Variants in AVL9 observed in about 807,000 individuals in gnomAD.
AVL9 encodes AVL9 cell migration associated.
A neutral mutation model predicts 79.2 loss-of-function variants in AVL9; 49 were observed. The observed-to-expected ratio is 0.62, with a 90% CI of 0.49 to 0.79. The LOEUF is 0.79. Ranked by LOEUF, AVL9 falls within the 30% of genes least tolerant of loss-of-function variation. AVL9 has a pLI of 0.00. For missense variants in AVL9, 682 were observed against 776.8 expected, an observed-to-expected ratio of 0.88 and a Z score of 1.45; for synonymous variants, 299 against 280.6, an observed-to-expected ratio of 1.07 and a Z score of -0.65.
At chr7:32,545,364 C>CTTTTTTTTTTTTTTTTTTTTTTTTT (rs10610945) in intron 3 of AVL9, among the ~76,000 whole-genome samples, 1 of 73,352 alleles carries the variant, frequency 1.4e-5, no homozygotes, top group African/African-American at 5.5e-5. Context: ...TCTAAGATTT[C>CTTTTTTTTTTTTTTTTTTTTTTTTT]TTTTTTTTTT....
intron 1 of AVL9, among the ~76,000 whole-genome samples, chr7:32,498,731 G>T (rs1583474226): frequency 6.7e-6 from 1 of 150,296 alleles, no homozygotes; most frequent in African/African-American, 2.5e-5. Context: ...AACATTTTAA[G>T]TGATTTTTTT....
intron 1 of AVL9, among the ~76,000 whole-genome samples, chr7:32,507,304 C>T (rs1202589721): frequency 1.3e-5 from 2 of 152,118 alleles, no homozygotes; most frequent in East Asian, 3.9e-4. Context: ...GCTTCCCTTC[C>T]CAATATATAG....
chr7:32,559,740 G>A (rs1235082146), intron 10 of AVL9, among the ~76,000 whole-genome samples: 1 of 151,966 alleles, frequency 6.6e-6, no homozygotes, highest in Non-Finnish European at 1.5e-5. Context: ...TAATTATTCA[G>A]GTTTCTCCTT....
At chr7:32,542,253 G>T (rs752169117) in intron 1 of AVL9, among the ~76,000 whole-genome samples, 1 of 148,108 alleles carries the variant, frequency 6.8e-6, no homozygotes, top group Non-Finnish European at 1.5e-5. Context: ...AAATAATCAC[G>T]AATTGGCCGG....
At chr7:32,580,637 T>C (rs749743625) in intron 14 of AVL9, 165 bp from the exon 15 acceptor site, 4 of 603,958 alleles carry the variant, frequency 6.6e-6, no homozygotes, top group Non-Finnish European at 1.2e-5. Context: ...AAAAGGTTAA[T>C]AAATTAATTC....
intron 1 of AVL9, among the ~76,000 whole-genome samples, chr7:32,539,502 A>C (rs902658245): frequency 6.6e-6 from 1 of 152,166 alleles, no homozygotes; most frequent in African/African-American, 2.4e-5. Context: ...CTTGTGACCA[A>C]CAGTGCCCAG....
intron 1 of AVL9, among the ~76,000 whole-genome samples, chr7:32,511,954 G>A (rs1426816823): frequency 5.9e-5 from 9 of 152,128 alleles, no homozygotes; most frequent in Non-Finnish European, 1.3e-4. Flanking sequence ...TGCTGAGACC[G>A]ACTCCAGCAT....
chr7:32,576,646 C>T (rs1583602708), intron 13 of AVL9, among the ~76,000 whole-genome samples: 2 of 151,992 alleles, frequency 1.3e-5, no homozygotes, highest in Non-Finnish European at 2.9e-5. Context: ...ATTAGCCAGA[C>T]GTGGTAGTGG....
intron 10 of AVL9, among the ~76,000 whole-genome samples, chr7:32,565,559 CAAA>C (rs56944092): frequency 7.1e-6 from 1 of 141,094 alleles, no homozygotes. Context: ...AACTCCGTCT[CAAA>C]AAAAAAAAAA....
At chr7:32,522,370 A>G (rs996947730) in intron 1 of AVL9, among the ~76,000 whole-genome samples, 1 of 152,222 alleles carries the variant, frequency 6.6e-6, no homozygotes, top group African/African-American at 2.4e-5. Context: ...CTCTTGCATC[A>G]GTGTGACCTG....
rs147897057 is a variant in AVL9, at chr7:32,552,386, A to G, written c.529+91A>G. ...CGTGTAAAACTTTGATTAGAATTAC[A>G]TCTCTATATGGGATCTAAATTCTTC... is the stretch of plus-strand genomic sequence containing the variant. On this transcript the variant is annotated intron_variant, in intron 6 of 15. Coordinates refer to ENST00000318709, the MANE Select transcript of AVL9 (RefSeq NM_015060.3). 4.0e-4 allele frequency: 289 copies of G among 721,190 alleles called. No homozygotes were observed. The African/African-American group carries it at 4.8e-3, about 12-fold the overall frequency. The allele number at this position is 721,190 out of a possible 1,614,324, so 44.7% of individuals were successfully genotyped here.
intron 1 of AVL9, among the ~76,000 whole-genome samples, chr7:32,496,714 C>T (rs1203421228): frequency 2.0e-5 from 3 of 152,144 alleles, no homozygotes; most frequent in African/African-American, 7.2e-5. Context: ...TAGTTTCTTG[C>T]ATTCCACAGG....
intron 8 of AVL9, among the ~76,000 whole-genome samples, chr7:32,556,570 TAA>T (rs759602498): frequency 2.8e-4 from 42 of 150,006 alleles, no homozygotes; most frequent in Non-Finnish European, 4.5e-4. Flanking sequence ...GAAAAAAAGA[TAA>T]AGTTTTTTTT....
At chr7:32,542,850 G>A (rs996202535) in intron 1 of AVL9, among the ~76,000 whole-genome samples, 1 of 152,106 alleles carries the variant, frequency 6.6e-6, no homozygotes, top group Non-Finnish European at 1.5e-5. Flanking sequence ...TTTGATGACA[G>A]CCCCCAGATA....
In AVL9 at chr7:32,556,823, C is replaced by T. The variant is rs566392855; in HGVS notation, c.610-1736C>T. Among the ~76,000 whole-genome samples the T allele has an allele frequency of 1.6e-4, 25 of 151,978 alleles. No homozygotes were observed. The South Asian group carries it at 4.0e-3, about 24-fold the overall frequency. ...CTCTGTTGCCCAGGCTAGAGTGCAGCGGTGTGATCATGGCTCACTGCAACC... is the reference window on the plus strand; with the variant it reads ...CTCTGTTGCCCAGGCTAGAGTGCAGTGGTGTGATCATGGCTCACTGCAACC... On this transcript the variant is annotated intron_variant, in intron 8 of 15. Transcript: ENST00000318709.
At chr7:32,552,737 G>GT (rs1415290100) in intron 6 of AVL9, among the ~76,000 whole-genome samples, 8 of 151,514 alleles carry the variant, frequency 5.3e-5, no homozygotes, top group African/African-American at 1.5e-4. Flanking sequence ...TTTGTTTTGG[G>GT]TTTTTTTTGT....
intron 13 of AVL9, among the ~76,000 whole-genome samples, chr7:32,579,898 G>T (rs552223083): frequency 6.6e-6 from 1 of 151,624 alleles, no homozygotes; most frequent in East Asian, 2.0e-4. Flanking sequence ...AAAATGTGTT[G>T]ATGTTTGAGC....
chr7:32,576,611 C>T (rs1791112268), intron 13 of AVL9, among the ~76,000 whole-genome samples: 1 of 151,926 alleles, frequency 6.6e-6, no homozygotes, highest in Admixed American at 6.6e-5. Context: ...TGCTGAAACC[C>T]ATCTCTACTA....
intron 1 of AVL9, among the ~76,000 whole-genome samples, chr7:32,498,718 T>C (rs1402516866): frequency 6.6e-6 from 1 of 151,548 alleles, no homozygotes; most frequent in Non-Finnish European, 1.5e-5. Context: ...ACTTAACATT[T>C]AGAACATTTT....
Sources: allele counts gnomAD v4.1 joint callset (sites outside exome capture counted in the v4.1 genomes callset), GRCh38; gene constraint gnomAD v4.1.1; transcripts MANE v1.5; gene names NCBI Gene and HGNC (gene_info 2026-07-23, HGNC 2026-07-21).